TNC: variants seen among roughly 807,000 people sequenced by gnomAD.
The protein encoded by TNC is tenascin C, also known as tenascin.
A neutral mutation model predicts 202.4 loss-of-function variants in TNC; 109 were observed. That is an observed-to-expected ratio of 0.54 (90% confidence interval 0.46 to 0.63). TNC has a LOEUF of 0.63. Among genes scored for constraint, TNC ranks in the 30% least tolerant of loss-of-function variants. TNC has a pLI of 0.00. For synonymous variants in TNC, 1,007 were observed against 1,089.7 expected (o/e 0.92, Z 1.50); for missense variants, 2,756 against 2,833.3 (o/e 0.97, Z 0.62).
At chr9:115,067,180 A>G (rs1043709741) in intron 10 of TNC, among the ~76,000 whole-genome samples, 1 of 152,254 alleles carries the variant, frequency 6.6e-6, no homozygotes, top group Non-Finnish European at 1.5e-5. Context: ...TATAGTGATT[A>G]TACCCTTGAC....
rs917127034 is a variant in TNC, at chr9:115,026,441, T to A, written c.6331+93A>T. 5.2e-5 allele frequency: 70 copies of A among 1,356,380 alleles called. No individual in the cohort carries two copies. In the African/African-American group the frequency reaches 9.3e-4, roughly 18 times the overall value. 84.0% of individuals were successfully genotyped at this position (1,356,380 alleles called of 1,614,324 possible). A position where few individuals can be genotyped will look rare whatever the true frequency, so the allele number is the denominator to read the frequency against. On this transcript the variant is annotated intron_variant, in intron 26 of 27. Transcript: ENST00000350763. ...TTGTTGATTTAATAAATTGCTGGAT[T>A]AATGAGGAAGGAATGAAAGTTAGAG...
At chr9:115,100,418 G>A (rs1230943644) in intron 1 of TNC, among the ~76,000 whole-genome samples, 1 of 152,178 alleles carries the variant, frequency 6.6e-6, no homozygotes. Flanking sequence ...CAATTAAGTA[G>A]TATATAAATA....
At chr9:115,071,898 G>GC (rs1166720171) in intron 10 of TNC, among the ~76,000 whole-genome samples, 2 of 151,808 alleles carry the variant, frequency 1.3e-5, no homozygotes, top group South Asian at 2.1e-4. Flanking sequence ...TTCTATCCCC[G>GC]CCCCCCACCT....
At position 115,026,636 on chromosome 9, in the gene TNC, G is replaced by C; in HGVS notation, c.6229C>G (p.Arg2077Gly). The C allele has an allele frequency of 6.2e-7, 1 of 1,613,866 alleles. No homozygotes were observed. Among genetic ancestry groups the C allele is most frequent in the Non-Finnish European group, 8.5e-7 (1 of 1,179,958 alleles). The change falls in exon 26 of 28, where the codon CGG becomes GGG. Residue 2077 changes from arginine to glycine, a missense_variant. Arg to Gly is a moderately radical substitution (Grantham distance 125). This residue lies in a region of TNC where 197 missense variants were observed against 287.3 expected (regional missense o/e 0.69). Coordinates refer to ENST00000350763, the MANE Select transcript of TNC (RefSeq NM_002160.4). ...GCAAAGGCTGTCTCCCCATGGTCCC[G>C]CAGGTCCACCCGGAGCTCGTACTGC... The part of the protein sequence containing the change: ...QGQYELRVDL[R>G]DHGETAFAVY...
intron 1 of TNC, among the ~76,000 whole-genome samples, chr9:115,097,284 G>A (rs1835868833): frequency 6.6e-6 from 1 of 152,196 alleles, no homozygotes; most frequent in African/African-American, 2.4e-5. Flanking sequence ...TGTTGCAGGA[G>A]AGTGGGATGA....
intron 15 of TNC, among the ~76,000 whole-genome samples, chr9:115,054,586 C>T (rs889649487): frequency 2.6e-5 from 4 of 152,120 alleles, no homozygotes; most frequent in African/African-American, 7.2e-5. Context: ...TCAGCTTTAC[C>T]TCCAGCTGCC....
At chr9:115,092,960 G>A (rs1835346685) in intron 1 of TNC, among the ~76,000 whole-genome samples, 1 of 152,082 alleles carries the variant, frequency 6.6e-6, no homozygotes, top group Non-Finnish European at 1.5e-5. Flanking sequence ...CTCGCACACT[G>A]TAAGTTAGTT....
chr9:115,036,011 A>G (rs1830293851), intron 21 of TNC, 87 bp downstream of exon 21: 1 of 1,519,410 alleles, frequency 6.6e-7, no homozygotes, highest in Non-Finnish European at 9.0e-7. Context: ...TTAAGAAAGA[A>G]GAACTGGCTA....
chr9:115,039,868 G>A (rs542188076), intron 19 of TNC, among the ~76,000 whole-genome samples: 1 of 152,348 alleles, frequency 6.6e-6, no homozygotes, highest in Admixed American at 6.5e-5. Context: ...GATTTCTTTG[G>A]GGAAATAAGG....
chr9:115,020,931 C>A lies in TNC; in HGVS notation c.*226G>T. The stretch of plus-strand genomic sequence containing the variant: ...GGGAGATTTTTGCTGAATCAAACAA[C>A]AAAACAGAAACATGTTGGAGACTGA... On this transcript the variant is annotated 3_prime_UTR_variant, in exon 28 of 28. Coordinates refer to ENST00000350763, the MANE Select transcript of TNC (RefSeq NM_002160.4). 1 of 507,318 alleles carries A rather than the reference C, an allele frequency of 2.0e-6. No homozygotes were observed. Among genetic ancestry groups the A allele is most frequent in the Non-Finnish European group, 3.5e-6 (1 of 288,234 alleles). The allele number at this position is 507,318 out of a possible 1,614,324, so 31.4% of individuals were successfully genotyped here.
At chr9:115,050,388 G>A (rs1831554910) in intron 15 of TNC, among the ~76,000 whole-genome samples, 1 of 152,084 alleles carries the variant, frequency 6.6e-6, no homozygotes, top group South Asian at 2.1e-4. Flanking sequence ...GGGAGGTCCT[G>A]CAAGCCGCTA....
Position 115,063,152 on chromosome 9 carries a change from C to T in TNC, c.3798G>A (p.Glu1266=). The T allele has an allele frequency of 6.2e-7, 1 of 1,614,158 alleles. No homozygotes were observed. Among genetic ancestry groups the T allele is most frequent in the Non-Finnish European group, 8.5e-7 (1 of 1,180,024 alleles). ...TCAGTCTGAGAGCATCCCAGCTAAC[C>T]TCGGTCACTGTGAGGTTTCCCATAT... The part of the protein sequence containing the change: ...VPDMGNLTVT[E]VSWDALRLNW... The change falls in exon 13 of 28, where the codon GAG becomes GAA. Residue 1266 remains glutamate, a synonymous_variant. Transcript: ENST00000350763.
At position 115,086,306 on chromosome 9, in the gene TNC, G is replaced by A. The variant is rs777391577; in HGVS notation, c.1425C>T (p.His475=). The A allele has an allele frequency of 1.2e-6, 2 of 1,614,130 alleles. No individual in the cohort carries two copies. Among genetic ancestry groups the A allele is most frequent in the South Asian group, 1.1e-5 (1 of 91,078 alleles). ...TGCCATTCACACAGCGGCCGTGCTG[G>A]TGACAGTCATTAGGGCAGCTCATGT... ...CSDMSCPNDC[H]QHGRCVNGMC... Residue 475 remains histidine, a synonymous_variant, in exon 3 of 28, where the codon CAC becomes CAT. Coordinates refer to ENST00000350763, the MANE Select transcript of TNC (RefSeq NM_002160.4).
intron 22 of TNC, among the ~76,000 whole-genome samples, chr9:115,033,824 A>G (rs1398240446): frequency 6.6e-6 from 1 of 152,208 alleles, no homozygotes; most frequent in Non-Finnish European, 1.5e-5. Flanking sequence ...AACTTGGTAG[A>G]TAGAAAGTGA....
chr9:115,052,006 A>G (rs1220346554), intron 15 of TNC, among the ~76,000 whole-genome samples: 2 of 135,818 alleles, frequency 1.5e-5, no homozygotes, highest in Non-Finnish European at 3.1e-5. Context: ...GGATGAATGG[A>G]TAAAGAAAAT....
intron 18 of TNC, among the ~76,000 whole-genome samples, chr9:115,041,300 C>CGGG (rs758926962): frequency 4.0e-5 from 5 of 123,510 alleles, no homozygotes; most frequent in African/African-American, 1.2e-4. Context: ...AAAACAAAGC[C>CGGG]AGGAGGGGCG....
chr9:115,074,373 C>T (rs1276925713), intron 9 of TNC, among the ~76,000 whole-genome samples: 1 of 152,180 alleles, frequency 6.6e-6, no homozygotes, highest in African/African-American at 2.4e-5. Context: ...AGAGACCTTG[C>T]CCCTTCTGTC....
intron 6 of TNC, among the ~76,000 whole-genome samples, 177 bp downstream of exon 6, chr9:115,081,595 A>G (rs1428967802): frequency 1.3e-5 from 2 of 152,198 alleles, no homozygotes; most frequent in Admixed American, 1.3e-4. Context: ...GCTGAGCCCA[A>G]ACCCAAATCA....
At chr9:115,040,906 AACACAC>A (rs35141770) in intron 19 of TNC, 29 bp downstream of exon 19, 6 of 1,477,444 alleles carry the variant, frequency 4.1e-6, no homozygotes, top group Non-Finnish European at 4.6e-6. Context: ...GAAAAATAGT[AACACAC>A]ACACACACAC....
Sources: allele counts gnomAD v4.1 joint callset (sites outside exome capture counted in the v4.1 genomes callset), GRCh38; gene constraint gnomAD v4.1.1; regional missense constraint gnomAD v4.1.1; transcripts MANE v1.5; gene names NCBI Gene and HGNC (gene_info 2026-07-23, HGNC 2026-07-21).